SMN1: variants seen among roughly 807,000 people sequenced by gnomAD.
SMN1 encodes the protein survival motor neuron protein.
For synonymous variants in SMN1, 3 were observed against 5.1 expected (o/e 0.58, Z 0.56); for missense variants, 15 against 17.1 (o/e 0.88, Z 0.22).
At position 70,952,009 on chromosome 5, in the gene SMN1, A is replaced by G; in HGVS notation, c.*3+15A>G. On this transcript the variant is annotated intron_variant, in intron 8 of 8. Transcript: ENST00000380707. ...TAAATTAAGGAGTAAGTCTGCCAGC[A>G]TTATGAAAGTGAATCTTACTTTTGT... 2 of 1,611,676 alleles carry G rather than the reference A, an allele frequency of 1.2e-6. No homozygotes were observed. The highest frequency in any genetic ancestry group is 1.7e-6 in the Non-Finnish European group (2 of 1,178,262).
downstream of SMN1, among the ~76,000 whole-genome samples, chr5:70,955,463 A>G (rs1749883105): frequency 7.0e-6 from 1 of 142,962 alleles, no homozygotes; most frequent in Non-Finnish European, 1.5e-5. Context: ...TTGTGTATAC[A>G]TTTATTGTGA....
At chr5:70,957,751 T>TC (rs1749940166), downstream of SMN1, among the ~76,000 whole-genome samples, 1 of 101,976 alleles carries the variant, frequency 9.8e-6, no homozygotes, top group African/African-American at 3.1e-5. Context: ...GCATCAATGT[T>TC]CATCAAGGAT....
chr5:70,958,939 A>G (rs1425930524), downstream of SMN1, among the ~76,000 whole-genome samples: 2 of 150,242 alleles, frequency 1.3e-5, no homozygotes, highest in South Asian at 2.1e-4. Context: ...TCATGCTGCT[A>G]TGAAGACACA....
chr5:70,955,290 G>T (rs1451539302), downstream of SMN1, among the ~76,000 whole-genome samples: 3 of 113,078 alleles, frequency 2.7e-5, no homozygotes, highest in Admixed American at 9.5e-5. Flanking sequence ...TTTTTTTTTT[G>T]GTAGTGACAT....
intron 7 of SMN1, among the ~76,000 whole-genome samples, chr5:70,951,359 C>G (rs1190577096): frequency 3.3e-5 from 5 of 151,726 alleles, no homozygotes; most frequent in South Asian, 2.1e-4. Flanking sequence ...CTGCAGCCTC[C>G]GCCTCCTGGG....
downstream of SMN1, among the ~76,000 whole-genome samples, chr5:70,955,357 C>T (rs1463796342): frequency 9.1e-4 from 132 of 144,562 alleles, 1 homozygote; most frequent in African/African-American, 2.9e-3. Flanking sequence ...TCTCCCACCT[C>T]GGGCTCCCAA....
chr5:70,954,839 C>T (rs1167102323), downstream of SMN1, among the ~76,000 whole-genome samples: 1 of 22,374 alleles, frequency 4.5e-5, no homozygotes, highest in Non-Finnish European at 1.0e-4. Flanking sequence ...GGCTAAAAAG[C>T]GAGACTCCGT....
chr5:70,956,800 C>CT (rs1341026158), downstream of SMN1, among the ~76,000 whole-genome samples: 13 of 146,782 alleles, frequency 8.9e-5, no homozygotes, highest in Non-Finnish European at 2.0e-4. Flanking sequence ...GCGATGCGGG[C>CT]TTTTTTTTGG....
chr5:70,963,522 GCT>G, the SMN1 span, among the ~76,000 whole-genome samples: 1 of 86,708 alleles, frequency 1.2e-5, no homozygotes, highest in East Asian at 3.1e-4. Flanking sequence ...CGGGAGTTTA[GCT>G]CTCTCACTTG....
chr5:70,950,412 C>T (rs557235445), intron 7 of SMN1, among the ~76,000 whole-genome samples: 615 of 147,122 alleles, frequency 4.2e-3, no homozygotes, highest in African/African-American at 0.015. Flanking sequence ...AGCGAAACTC[C>T]GTCTCAAAAA....
At chr5:70,945,659 T>C (rs1387183976) in intron 6 of SMN1, among the ~76,000 whole-genome samples, 1 of 71,350 alleles carries the variant, frequency 1.4e-5, no homozygotes, top group Non-Finnish European at 2.5e-5. Flanking sequence ...CATAGCTTCA[T>C]AGTGGAACAG....
chr5:70,951,864 T>A (rs1025846182), intron 7 of SMN1, 77 bp from the exon 8 acceptor site: 1 of 1,133,492 alleles, frequency 8.8e-7, no homozygotes, highest in Non-Finnish European at 1.3e-6. Flanking sequence ...CTTTTTAACA[T>A]CCATATAAAG....
At chr5:70,963,678 CT>C in the SMN1 span, among the ~76,000 whole-genome samples, 1 of 129,024 alleles carries the variant, frequency 7.8e-6, no homozygotes, top group Admixed American at 8.0e-5. Flanking sequence ...AATTAAACCT[CT>C]TTGTAAATTA....
chr5:70,957,466 C>G (rs1233450482), downstream of SMN1, among the ~76,000 whole-genome samples: 1 of 148,286 alleles, frequency 6.7e-6, no homozygotes, highest in African/African-American at 2.5e-5. Context: ...TCATAGATAG[C>G]TCTTATTATT....
chr5:70,959,263 G>A, the SMN1 span, among the ~76,000 whole-genome samples: 1 of 149,882 alleles, frequency 6.7e-6, no homozygotes, highest in Non-Finnish European at 1.5e-5. Context: ...TTGTGGGGTG[G>A]GGGGAATGGG....
intron 7 of SMN1, among the ~76,000 whole-genome samples, chr5:70,950,244 C>G (rs1174771682): frequency 6.8e-6 from 1 of 146,394 alleles, no homozygotes; most frequent in East Asian, 2.1e-4. Flanking sequence ...ATGGAGAAAC[C>G]CTGTCTCTAC....
chr5:70,951,382 T>G (rs1749724025), intron 7 of SMN1, among the ~76,000 whole-genome samples: 1 of 151,884 alleles, frequency 6.6e-6, no homozygotes, highest in South Asian at 2.1e-4. Flanking sequence ...CAAGTGATTC[T>G]CCTGCCTCAG....
the SMN1 span, among the ~76,000 whole-genome samples, chr5:70,958,952 C>G: frequency 2.0e-5 from 3 of 150,188 alleles, no homozygotes; most frequent in Non-Finnish European, 3.0e-5. Context: ...AAGACACATG[C>G]ACACGTATGT....
the SMN1 span, among the ~76,000 whole-genome samples, chr5:70,959,852 A>C: frequency 1.2e-5 from 1 of 86,302 alleles, no homozygotes; most frequent in East Asian, 3.8e-4. Flanking sequence ...CATGTTGGCC[A>C]GGCTGATCTT....
Sources: gnomAD v4.1 joint callset for allele counts (sites outside exome capture counted in the v4.1 genomes callset) on GRCh38, gnomAD v4.1.1 for gene constraint, MANE v1.5 for transcripts, NCBI Gene and HGNC (gene_info 2026-07-23, HGNC 2026-07-21) for gene names.